The following ANKRD30B variants were observed in gnomAD, a reference collection of about 807,000 sequenced individuals.
ANKRD30B encodes the protein ankyrin repeat domain-containing protein 30B.
In ANKRD30B, 144 loss-of-function variants were observed where a neutral mutation model predicts 202.2. The observed-to-expected ratio is 0.71, with a 90% CI of 0.62 to 0.82. The LOEUF (loss-of-function observed/expected upper bound fraction) is 0.82. Among genes scored for constraint, ANKRD30B ranks in the 40% least tolerant of loss-of-function variants. ANKRD30B has a pLI of 0.00. For missense variants in ANKRD30B, 1,487 were observed against 1,669.1 expected, an observed-to-expected ratio of 0.89 and a Z score of 1.90; for synonymous variants, 508 against 561.3, an observed-to-expected ratio of 0.91 and a Z score of 1.34.
rs1362485581 is a variant in ANKRD30B, at chr18:14,748,435, G to A, written c.16G>A (p.Ala6Thr). 1 of 1,512,098 alleles carries A rather than the reference G, an allele frequency of 6.6e-7. No homozygotes were observed. Among genetic ancestry groups the A allele is most frequent in the Admixed American group, 2.2e-5 (1 of 44,936 alleles). The allele number at this position is 1,512,098 out of a possible 1,614,324, so 93.7% of individuals were successfully genotyped here. The stretch of plus-strand genomic sequence containing the variant: ...GGCTGCAGCCATGAAGAGGCTCTTA[G>A]CTGCCGCTGGCAAGGGCGTGCGGGG... MKRLLAAAGKGVRGPE... is the reference protein window; with the variant it reads MKRLLTAAGKGVRGPE... The change falls in exon 1 of 44, where the codon GCT becomes ACT. Residue 6 changes from alanine to threonine, a missense_variant. Coordinates refer to ENST00000690538, the MANE Select transcript of ANKRD30B (RefSeq NM_001367607.2).
the ANKRD30B span, among the ~76,000 whole-genome samples, chr18:14,930,236 G>A: frequency 3.3e-5 from 5 of 152,062 alleles, no homozygotes; most frequent in Middle Eastern, 3.2e-3. Context: ...AGGCTGGGCC[G>A]ACAGAGAAGG....
the ANKRD30B span, among the ~76,000 whole-genome samples, chr18:14,927,417 T>G: frequency 6.6e-6 from 1 of 152,204 alleles, no homozygotes; most frequent in Non-Finnish European, 1.5e-5. Context: ...ATATTAAGCC[T>G]GTAGGGTTGC....
the ANKRD30B span, among the ~76,000 whole-genome samples, chr18:14,881,880 T>C: frequency 6.6e-6 from 1 of 152,146 alleles, no homozygotes; most frequent in Non-Finnish European, 1.5e-5. Context: ...GGTTTTCTAG[T>C]TTATGTGCCA....
At chr18:14,883,201 C>A in the ANKRD30B span, among the ~76,000 whole-genome samples, 1 of 151,810 alleles carries the variant, frequency 6.6e-6, no homozygotes, top group Non-Finnish European at 1.5e-5. Context: ...TTTGCATTTA[C>A]CTAATTAGTT....
intron 32 of ANKRD30B, among the ~76,000 whole-genome samples, chr18:14,827,953 T>C (rs1339540202): frequency 6.6e-6 from 1 of 152,210 alleles, no homozygotes; most frequent in African/African-American, 2.4e-5. Flanking sequence ...ATAATTTTAC[T>C]ATAGTCTCAA....
intron 16 of ANKRD30B, among the ~76,000 whole-genome samples, chr18:14,795,031 A>G (rs1213397838): frequency 6.6e-6 from 1 of 152,222 alleles, no homozygotes; most frequent in African/African-American, 2.4e-5. Context: ...CTCACATGGT[A>G]TAACAAATAG....
At chr18:14,898,295 G>A in the ANKRD30B span, among the ~76,000 whole-genome samples, 14 of 152,200 alleles carry the variant, frequency 9.2e-5, no homozygotes, top group African/African-American at 3.1e-4. Flanking sequence ...GATGGCAGCC[G>A]GGGGGAGGTT....
At chr18:14,830,935 C>A (rs1970892656) in intron 33 of ANKRD30B, among the ~76,000 whole-genome samples, 1 of 152,116 alleles carries the variant, frequency 6.6e-6, no homozygotes, top group African/African-American at 2.4e-5. Flanking sequence ...GTAATCCCAG[C>A]ACTTTGGGAG....
At chr18:14,926,998 T>TA in the ANKRD30B span, among the ~76,000 whole-genome samples, 8 of 152,138 alleles carry the variant, frequency 5.3e-5, no homozygotes, top group Non-Finnish European at 1.2e-4. Flanking sequence ...GAAATACAAG[T>TA]AATTGGTAGT....
intron 15 of ANKRD30B, among the ~76,000 whole-genome samples, chr18:14,789,689 T>A (rs2143913724): frequency 6.6e-6 from 1 of 152,306 alleles, no homozygotes; most frequent in South Asian, 2.1e-4. Context: ...TTGTCAAAGA[T>A]CAGATAGTTC....
At chr18:14,825,363 A>G (rs1370890180) in intron 32 of ANKRD30B, 1 of 152,210 alleles carries the variant, frequency 6.6e-6, no homozygotes, top group Non-Finnish European at 1.5e-5. Context: ...AAGCCTGCAA[A>G]GTTCACATTT....
chr18:14,760,037 A>G (rs1308712461), intron 5 of ANKRD30B, among the ~76,000 whole-genome samples: 2 of 152,220 alleles, frequency 1.3e-5, no homozygotes, highest in African/African-American at 4.8e-5. Context: ...CCATTGCACC[A>G]GGCCAACACA....
intron 1 of ANKRD30B, 68 bp downstream of exon 1, chr18:14,748,708 A>G: frequency 7.1e-7 from 1 of 1,418,416 alleles, no homozygotes; most frequent in South Asian, 1.5e-5. Flanking sequence ...GCCCCTTCAG[A>G]GTGGTGGCTG....
Position 14,799,093 on chromosome 18 carries a change from T to A in ANKRD30B, c.2030-8T>A. On this transcript the variant is annotated splice_polypyrimidine_tract_variant and splice_region_variant and intron_variant, in intron 20 of 43. Coordinates refer to ENST00000690538, the MANE Select transcript of ANKRD30B (RefSeq NM_001367607.2). The stretch of plus-strand genomic sequence containing the variant: ...TATAATCAATTATATATGTCCCTTT[T>A]CTTTTAGAGTCTCCTGATAATGATG... 6.4e-7 allele frequency: 1 copy of A among 1,570,054 alleles called. No individual in the cohort carries two copies. Among genetic ancestry groups the A allele is most frequent in the Non-Finnish European group, 8.8e-7 (1 of 1,142,140 alleles).
chr18:14,866,776 G>A, the ANKRD30B span, among the ~76,000 whole-genome samples: 1 of 151,924 alleles, frequency 6.6e-6, no homozygotes, highest in Non-Finnish European at 1.5e-5. Context: ...CTGGCAGTGG[G>A]GCAGGTTCAC....
At chr18:14,815,983 A>G (rs1189149128) in intron 30 of ANKRD30B, among the ~76,000 whole-genome samples, 1 of 152,206 alleles carries the variant, frequency 6.6e-6, no homozygotes, top group Admixed American at 6.5e-5. Flanking sequence ...TGATCAATTC[A>G]TAACACTTTC....
chr18:14,921,158 A>T, the ANKRD30B span, among the ~76,000 whole-genome samples: 1 of 149,796 alleles, frequency 6.7e-6, no homozygotes, highest in African/African-American at 2.5e-5. Flanking sequence ...CAAATGAGGG[A>T]CGTGTTTAGA....
the ANKRD30B span, among the ~76,000 whole-genome samples, chr18:14,908,384 G>A: frequency 6.6e-6 from 1 of 152,030 alleles, no homozygotes; most frequent in Non-Finnish European, 1.5e-5. Context: ...CTGTCTGCAG[G>A]CCCTCTCATC....
rs937222479 is a variant in ANKRD30B at position 14,853,899 on chromosome 18, A to G, written c.4567A>G (p.Arg1523Gly). Among the ~76,000 whole-genome samples, 3 of 152,232 alleles carry G rather than the reference A, an allele frequency of 2.0e-5. No individual in the cohort carries two copies. Among genetic ancestry groups the G allele is most frequent in the African/African-American group, 7.2e-5 (3 of 41,466 alleles). Residue 1523 changes from arginine (R) to glycine (G), a missense_variant, in exon 43 of 44, where the codon AGG becomes GGG. Arg to Gly is a moderately radical substitution (Grantham distance 125). This residue lies in a region of ANKRD30B where 182 missense variants were observed against 216.0 expected (regional missense o/e 0.84). Coordinates refer to ENST00000690538, the MANE Select transcript of ANKRD30B (RefSeq NM_001367607.2). Reference sequence around the variant, plus strand: ...GGTTACATCACATTCTCACTCTCTGAGGCATCAATAGAGGCTACATCACAT... The same window carrying G: ...GGTTACATCACATTCTCACTCTCTGGGGCATCAATAGAGGCTACATCACAT... ...LKVTSHSHSLRHQ is the reference protein window; with the variant it reads ...LKVTSHSHSLGHQ
Sources: gnomAD v4.1 joint callset for allele counts (sites outside exome capture counted in the v4.1 genomes callset) on GRCh38, gnomAD v4.1.1 for gene constraint, gnomAD v4.1.1 regional missense constraint, MANE v1.5 for transcripts, NCBI Gene and HGNC (gene_info 2026-07-23, HGNC 2026-07-21) for gene names.